PRMT7: variants seen among roughly 807,000 people sequenced by gnomAD.
PRMT7 encodes protein arginine N-methyltransferase 7.
A neutral mutation model predicts 85.4 loss-of-function variants in PRMT7; 75 were observed. The observed-to-expected ratio is 0.88, with a 90% CI of 0.73 to 1.06. The LOEUF (loss-of-function observed/expected upper bound fraction) is 1.06, where lower values mean the gene tolerates loss of function less well. Among genes scored for constraint, PRMT7 ranks in the 50% least tolerant of loss-of-function variants. The probability of loss-of-function intolerance (pLI) is 0.00; values close to 1 mark genes in which losing one functional copy is unlikely to be tolerated. For missense variants in PRMT7, 868 were observed against 915.2 expected (o/e 0.95, Z 0.67); for synonymous variants, 397 against 359.5 (o/e 1.10, Z -1.18).
intron 3 of PRMT7, among the ~76,000 whole-genome samples, chr16:68,318,103 A>G (rs531323234): frequency 3.2e-4 from 49 of 152,258 alleles, no homozygotes; most frequent in African/African-American, 1.2e-3. Flanking sequence ...ATAGTAATAC[A>G]TTATCTCACA....
At position 68,352,419 on chromosome 16, in the gene PRMT7, C is replaced by T. The variant is rs1432605662; in HGVS notation, c.1575+10C>T. 1 of 1,578,990 alleles carries T rather than the reference C, an allele frequency of 6.3e-7. No homozygotes were observed. Among genetic ancestry groups the T allele is most frequent in the Admixed American group, 1.7e-5 (1 of 57,446 alleles). ...GGTTGTGGAGTTCAGGGTAGGCCAC[C>T]CAGGGGATGTTGGAGAAAAAAGCAG... On this transcript the variant is annotated intron_variant, in intron 15 of 18. Transcript: ENST00000441236.
At chr16:68,352,450 G>A in intron 15 of PRMT7, 41 bp downstream of exon 15, 1 of 1,561,876 alleles carries the variant, frequency 6.4e-7, no homozygotes, top group Non-Finnish European at 8.7e-7. Context: ...AGCAGAGGAG[G>A]CGGGTGGGGA....
At chr16:68,337,834 A>T (rs990470417) in intron 7 of PRMT7, among the ~76,000 whole-genome samples, 11 of 152,230 alleles carry the variant, frequency 7.2e-5, no homozygotes, top group African/African-American at 2.2e-4. Flanking sequence ...CAGGAAGGCG[A>T]TGCTTGAGCT....
intron 4 of PRMT7, among the ~76,000 whole-genome samples, chr16:68,323,221 C>T (rs983553186): frequency 1.8e-4 from 25 of 142,856 alleles, no homozygotes; most frequent in African/African-American, 6.0e-4. Context: ...TTCTTTCTTT[C>T]TTTTTTTTTT....
At position 68,357,138 on chromosome 16, in the gene PRMT7, C is replaced by G. The variant is rs989259018; in HGVS notation, c.1993C>G (p.Pro665Ala). ...APDPRALLGG[P>A]RTVSYAVEFH... The stretch of plus-strand genomic sequence containing the variant: ...AGATCCCAGAGCACTGCTGGGTGGC[C>G]CACGGACTGTCAGCTATGCAGTGGA... The change falls in exon 19 of 19, where the codon CCA (proline) becomes GCA (alanine). Residue 665 changes from proline (P) to alanine (A), a missense_variant. By Grantham distance (27) the Pro-to-Ala change is conservative. Transcript: ENST00000441236. 1.2e-6 allele frequency: 2 copies of G among 1,613,870 alleles called. No homozygotes were observed. Among genetic ancestry groups the G allele is most frequent in the Non-Finnish European group, 1.7e-6 (2 of 1,180,018 alleles).
At chr16:68,322,798 C>T (rs1039121108) in intron 4 of PRMT7, among the ~76,000 whole-genome samples, 5 of 151,768 alleles carry the variant, frequency 3.3e-5, no homozygotes, top group African/African-American at 9.7e-5. Flanking sequence ...TTTGGGAAGC[C>T]GAGGCAGGCA....
chr16:68,346,307 G>C, intron 11 of PRMT7, 27 bp downstream of exon 11: 1 of 1,611,164 alleles, frequency 6.2e-7, no homozygotes, highest in Non-Finnish European at 8.5e-7. Context: ...TTGGCTTGTT[G>C]TGGGGAAAAG....
At chr16:68,321,402 G>T in intron 3 of PRMT7, 24 bp from the exon 4 acceptor site, 1 of 1,588,610 alleles carries the variant, frequency 6.3e-7, no homozygotes, top group Non-Finnish European at 8.6e-7. Flanking sequence ...TCATGCAAAG[G>T]TTACTGACTT....
chr16:68,351,415 G>A (rs1597470576), intron 14 of PRMT7: 1 of 149,034 alleles, frequency 6.7e-6, no homozygotes, highest in African/African-American at 2.5e-5. Context: ...AGCACCTGCA[G>A]GTTCCCTTCC....
Position 68,356,813 on chromosome 16 carries a change from C to G in PRMT7, c.1908+16C>G. The G allele has an allele frequency of 1.3e-6, 2 of 1,594,150 alleles. No homozygotes were observed. The highest frequency in any genetic ancestry group is 1.7e-6 in the Non-Finnish European group (2 of 1,170,946). ...AGACCCCGAGGTAGTGCCTGCGCAC[C>G]GGGCCCAGTGTGCGTGCAGACCCTG... is the stretch of plus-strand genomic sequence containing the variant. On this transcript the variant is annotated intron_variant, in intron 18 of 18. Coordinates refer to ENST00000441236, the MANE Select transcript of PRMT7 (RefSeq NM_019023.5).
chr16:68,352,541 G>T, intron 15 of PRMT7, 132 bp downstream of exon 15: 2 of 851,144 alleles, frequency 2.3e-6, no homozygotes, highest in Middle Eastern at 2.3e-4. Context: ...TTCTTTCTGT[G>T]TCAGCACACT....
At chr16:68,318,303 C>G (rs1567634385) in intron 3 of PRMT7, among the ~76,000 whole-genome samples, 1 of 151,602 alleles carries the variant, frequency 6.6e-6, no homozygotes, top group Non-Finnish European at 1.5e-5. Flanking sequence ...GGGTTCACGC[C>G]ATTCTCCCGC....
intron 9 of PRMT7, among the ~76,000 whole-genome samples, chr16:68,340,595 A>G (rs1049232866): frequency 4.6e-5 from 7 of 152,002 alleles, no homozygotes; most frequent in African/African-American, 1.4e-4. Context: ...AAAAAAAAAA[A>G]AGAGAAATGC....
At chr16:68,340,875 G>T (rs930925837) in intron 9 of PRMT7, among the ~76,000 whole-genome samples, 1 of 152,206 alleles carries the variant, frequency 6.6e-6, no homozygotes, top group Non-Finnish European at 1.5e-5. Flanking sequence ...CAGTGGGTGA[G>T]GTAGCTCTCT....
At chr16:68,341,035 A>G (rs1466637955) in intron 9 of PRMT7, among the ~76,000 whole-genome samples, 3 of 152,250 alleles carry the variant, frequency 2.0e-5, no homozygotes, top group Non-Finnish European at 4.4e-5. Flanking sequence ...TGTACATATA[A>G]GGAGGTCTTT....
chr16:68,355,692 C>T, intron 16 of PRMT7, 31 bp from the exon 17 acceptor site: 1 of 1,506,782 alleles, frequency 6.6e-7, no homozygotes, highest in African/African-American at 1.4e-5. Flanking sequence ...CGGCCTGTCT[C>T]TGCAGCCCCC....
In PRMT7 at chr16:68,357,144, A is replaced by G. The variant is rs201026938; in HGVS notation, c.1999A>G (p.Thr667Ala). The stretch of plus-strand genomic sequence containing the variant: ...CAGAGCACTGCTGGGTGGCCCACGG[A>G]CTGTCAGCTATGCAGTGGAGTTTCA... ...DPRALLGGPR[T>A]VSYAVEFHPD... Residue 667 changes from threonine (T) to alanine (A), a missense_variant, in exon 19 of 19, where the codon ACT (threonine) becomes GCT (alanine). Transcript: ENST00000441236. The G allele has an allele frequency of 1.7e-4, 268 of 1,613,906 alleles. No homozygotes were observed. The highest frequency in any genetic ancestry group is 3.3e-4 in the Middle Eastern group (2 of 6,084).
At chr16:68,334,237 G>T (rs2084337387) in intron 6 of PRMT7, among the ~76,000 whole-genome samples, 1 of 152,224 alleles carries the variant, frequency 6.6e-6, no homozygotes, top group African/African-American at 2.4e-5. Flanking sequence ...GGCCTGTCAT[G>T]TAAAGGAGTT....
chr16:68,339,726 A>G, intron 8 of PRMT7, 62 bp from the exon 9 acceptor site: 1 of 1,586,220 alleles, frequency 6.3e-7, no homozygotes. Context: ...TCACTGTAAA[A>G]GCTTAAAAAA....
Sources: allele counts gnomAD v4.1 joint callset (sites outside exome capture counted in the v4.1 genomes callset), GRCh38; gene constraint gnomAD v4.1.1; transcripts MANE v1.5; gene names NCBI Gene and HGNC (gene_info 2026-07-23, HGNC 2026-07-21).